Variants in NKAIN2 observed in about 807,000 individuals in gnomAD.
NKAIN2 encodes the protein sodium/potassium transporting ATPase interacting 2.
In NKAIN2, 14 loss-of-function variants were observed where a neutral mutation model predicts 32.6. The observed-to-expected ratio is 0.43, with a 90% confidence interval of 0.28 to 0.67. The LOEUF (loss-of-function observed/expected upper bound fraction) is 0.67. NKAIN2 is among the 30% of genes least tolerant of loss of function. NKAIN2 has a pLI of 0.17. For synonymous variants in NKAIN2, 80 were observed against 87.2 expected, an observed-to-expected ratio of 0.92 and a Z score of 0.46; for missense variants, 198 against 258.3, an observed-to-expected ratio of 0.77 and a Z score of 1.60.
At chr6:124,201,626 A>G (rs1198524436) in intron 1 of NKAIN2, among the ~76,000 whole-genome samples, 1 of 152,004 alleles carries the variant, frequency 6.6e-6, no homozygotes, top group African/African-American at 2.4e-5. Flanking sequence ...ATGTCAACGT[A>G]ATTACTCTCG....
intron 1 of NKAIN2, among the ~76,000 whole-genome samples, chr6:123,834,762 A>G (rs923575737): frequency 2.0e-5 from 3 of 151,956 alleles, no homozygotes; most frequent in African/African-American, 7.3e-5. Flanking sequence ...TTACTGAGAG[A>G]TTTTATGATG....
intron 3 of NKAIN2, among the ~76,000 whole-genome samples, chr6:124,477,398 G>T (rs1777263316): frequency 6.6e-6 from 1 of 152,114 alleles, no homozygotes; most frequent in Admixed American, 6.5e-5. Context: ...TCTCATACAA[G>T]TTGCCAATGA....
intron 3 of NKAIN2, among the ~76,000 whole-genome samples, chr6:124,608,453 G>A (rs1031619670): frequency 1.3e-5 from 2 of 152,080 alleles, no homozygotes; most frequent in Non-Finnish European, 2.9e-5. Flanking sequence ...AGCCTCAAAA[G>A]CAACAAAGGA....
intron 3 of NKAIN2, among the ~76,000 whole-genome samples, chr6:124,584,160 A>C (rs1781623092): frequency 6.6e-6 from 1 of 152,230 alleles, no homozygotes; most frequent in Admixed American, 6.5e-5. Flanking sequence ...CATCAAGTAA[A>C]AAATCTTCTG....
chr6:124,428,958 C>T (rs1429676618), intron 3 of NKAIN2, among the ~76,000 whole-genome samples: 1 of 152,168 alleles, frequency 6.6e-6, no homozygotes, highest in African/African-American at 2.4e-5. Flanking sequence ...TCTGCAGTTC[C>T]AGCAGAACTA....
At chr6:124,558,712 C>A (rs1198957631) in intron 3 of NKAIN2, among the ~76,000 whole-genome samples, 3 of 152,128 alleles carry the variant, frequency 2.0e-5, no homozygotes, top group African/African-American at 7.2e-5. Flanking sequence ...CTTTGGGAGG[C>A]CAAGGCGGGT....
At chr6:124,639,630 T>C (rs765348665) in intron 3 of NKAIN2, among the ~76,000 whole-genome samples, 53 of 151,064 alleles carry the variant, frequency 3.5e-4, no homozygotes, top group Non-Finnish European at 5.8e-4. Context: ...TGAGACTCCG[T>C]AAAGAAAAAA....
chr6:124,718,950 GA>G (rs1311261859), intron 4 of NKAIN2, among the ~76,000 whole-genome samples: 1 of 151,966 alleles, frequency 6.6e-6, no homozygotes, highest in Non-Finnish European at 1.5e-5. Flanking sequence ...TGTTAATAGA[GA>G]AAAAATTCAA....
chr6:123,916,840 TCCTACCTACCTAC>T (rs1775525817), intron 1 of NKAIN2, among the ~76,000 whole-genome samples: 1 of 150,816 alleles, frequency 6.6e-6, no homozygotes, highest in African/African-American at 2.4e-5. Context: ...TATCTATCTA[TCCTACCTACCTAC>T]CTATCTGTCA....
intron 1 of NKAIN2, among the ~76,000 whole-genome samples, chr6:124,082,333 G>A (rs930895066): frequency 5.9e-5 from 9 of 151,984 alleles, no homozygotes; most frequent in Non-Finnish European, 1.2e-4. Flanking sequence ...CTTAATGTAA[G>A]CTTAATATTA....
intron 4 of NKAIN2, among the ~76,000 whole-genome samples, chr6:124,677,477 G>C (rs1016568431): frequency 1.3e-5 from 2 of 151,356 alleles, no homozygotes; most frequent in African/African-American, 4.9e-5. Flanking sequence ...GGCATACTTT[G>C]ACTTATTTCT....
chr6:124,345,528 T>A (rs1798372358), intron 2 of NKAIN2, among the ~76,000 whole-genome samples: 1 of 152,032 alleles, frequency 6.6e-6, no homozygotes, highest in Non-Finnish European at 1.5e-5. Context: ...TATTGGTCTA[T>A]TCAGAGATTC....
rs1196817378 is a variant in NKAIN2 at position 124,155,598 on chromosome 6, C to CTT, written c.55-127395_55-127394dup. On this transcript the variant is annotated intron_variant, in intron 1 of 6. Coordinates refer to ENST00000368417, the MANE Select transcript of NKAIN2 (RefSeq NM_001040214.3). The stretch of plus-strand genomic sequence containing the variant: ...AACATATGTGTGTAATATATGCTAT[C>CTT]TTTTTTTTTTTTTGCTATTCTGTGT... Among the ~76,000 whole-genome samples, 1,088 of 141,946 alleles carry CTT rather than the reference C, an allele frequency of 7.7e-3. 3 individuals carry two copies. The highest frequency in any genetic ancestry group is 9.8e-3 in the African/African-American group (381 of 38,802). The allele number at this position is 141,946 out of a possible 152,430, so 93.1% of individuals were successfully genotyped here.
At chr6:124,366,714 A>G (rs1458515283) in intron 3 of NKAIN2, among the ~76,000 whole-genome samples, 1 of 152,036 alleles carries the variant, frequency 6.6e-6, no homozygotes, top group African/African-American at 2.4e-5. Flanking sequence ...AGGTGGGTGG[A>G]TCACCTGAGC....
At chr6:123,942,473 G>T (rs919379086) in intron 1 of NKAIN2, among the ~76,000 whole-genome samples, 1 of 151,948 alleles carries the variant, frequency 6.6e-6, no homozygotes, top group African/African-American at 2.4e-5. Flanking sequence ...TACTGTTGGA[G>T]ATTTTATATT....
At chr6:124,106,622 C>A (rs1785133366) in intron 1 of NKAIN2, among the ~76,000 whole-genome samples, 2 of 152,126 alleles carry the variant, frequency 1.3e-5, no homozygotes, top group Admixed American at 1.3e-4. Context: ...GTTCATTATT[C>A]TATTTAGGTA....
At chr6:124,521,210 C>T (rs546108087) in intron 3 of NKAIN2, among the ~76,000 whole-genome samples, 28 of 152,168 alleles carry the variant, frequency 1.8e-4, no homozygotes, top group Non-Finnish European at 2.9e-4. Flanking sequence ...TTGTTCCCAT[C>T]ACTGTTCCCC....
At chr6:124,584,445 A>G (rs1230399979) in intron 3 of NKAIN2, among the ~76,000 whole-genome samples, 1 of 152,154 alleles carries the variant, frequency 6.6e-6, no homozygotes, top group Non-Finnish European at 1.5e-5. Flanking sequence ...TGAGGTCAGG[A>G]GTTCGAGATC....
intron 4 of NKAIN2, among the ~76,000 whole-genome samples, chr6:124,753,227 T>C (rs917266998): frequency 1.3e-5 from 2 of 152,162 alleles, no homozygotes; most frequent in Non-Finnish European, 2.9e-5. Flanking sequence ...AATCCTCTTT[T>C]AGAAGGGCAA....
Sources: allele counts gnomAD v4.1 joint callset (sites outside exome capture counted in the v4.1 genomes callset), GRCh38; gene constraint gnomAD v4.1.1; transcripts MANE v1.5; gene names NCBI Gene and HGNC (gene_info 2026-07-23, HGNC 2026-07-21).